Variants in NFE2L1 observed in about 807,000 individuals in gnomAD.
NFE2L1 encodes NFE2 like bZIP transcription factor 1.
NFE2L1 carries 18 observed loss-of-function variants against 61.6 expected under a neutral mutation model. The observed-to-expected ratio is 0.29, with a 90% CI of 0.20 to 0.43. The LOEUF (loss-of-function observed/expected upper bound fraction) is 0.43, where lower values mean the gene tolerates loss of function less well. Among genes scored for constraint, NFE2L1 ranks in the 20% least tolerant of loss-of-function variants. The pLI is 1.00. For synonymous variants in NFE2L1, 419 were observed against 402.7 expected, an observed-to-expected ratio of 1.04 and a Z score of -0.48; for missense variants, 827 against 973.5, an observed-to-expected ratio of 0.85 and a Z score of 2.00.
chr17:48,059,634 G>C lies in NFE2L1; in HGVS notation c.2312G>C (p.Arg771Thr), dbSNP rs1462187666. ...RRQERKPKDRRK is the reference protein window; with the variant it reads ...RRQERKPKDRTK The stretch of plus-strand genomic sequence containing the variant: ...CAGGAGAGGAAGCCAAAGGACCGGA[G>C]AAAGTGAGCCTGGGGAAGAAGGGGG... The change falls in exon 6 of 6, where the codon AGA (arginine) becomes ACA (threonine). Residue 771 changes from arginine (R) to threonine (T), a missense_variant. Around this residue, in one of 3 missense-constraint regions of NFE2L1, gnomAD observed 86 missense variants for 97.3 expected, o/e 0.88. Transcript: ENST00000362042. This position sits in a 1 kb window ranked among gnomAD's most constrained non-coding sequence, Gnocchi z 6.1. 6.4e-7 allele frequency: 1 copy of C among 1,551,464 alleles called. No individual in the cohort carries two copies. The highest frequency in any genetic ancestry group is 2.0e-5 in the Admixed American group (1 of 50,824).
chr17:48,058,735 G>A lies in NFE2L1; in HGVS notation c.1413G>A (p.Glu471=). 1 of 1,614,232 alleles carries A rather than the reference G, an allele frequency of 6.2e-7. No homozygotes were observed. The highest frequency in any genetic ancestry group is 1.1e-5 in the South Asian group (1 of 91,090). ...CTGTGCAGGCCTCCCAGCTGGAGGAGGAATTTGACTCTGACTCAGGCCTTT... is the reference window on the plus strand; with the variant it reads ...CTGTGCAGGCCTCCCAGCTGGAGGAAGAATTTGACTCTGACTCAGGCCTTT... ...FNPVQASQLE[E]EFDSDSGLSL... is the part of the protein sequence containing the mutation. Residue 471 remains glutamate, a synonymous_variant, in exon 6 of 6, where the codon GAG becomes GAA. Coordinates refer to ENST00000362042, the MANE Select transcript of NFE2L1 (RefSeq NM_003204.3).
rs1428181976 is a variant in NFE2L1, at chr17:48,059,439, C to T, written c.2117C>T (p.Ser706Phe). 2 of 1,614,166 alleles carry T rather than the reference C, an allele frequency of 1.2e-6. No homozygotes were observed. The highest frequency in any genetic ancestry group is 3.3e-5 in the Admixed American group (2 of 60,026). ...LLREKVEFLR[S>F]LRQMKQKVQS... ...CGGGAGAAAGTGGAGTTCCTGCGCT[C>T]CCTGCGACAGATGAAGCAGAAGGTC... Residue 706 changes from serine (S) to phenylalanine (F), a missense_variant, in exon 6 of 6, where the codon TCC (serine) becomes TTC (phenylalanine). Physicochemically the swap from Ser to Phe is radical, Grantham distance 155. Around this residue, in one of 3 missense-constraint regions of NFE2L1, gnomAD observed 86 missense variants for 97.3 expected, o/e 0.88. Transcript: ENST00000362042. This position sits in a 1 kb window ranked among gnomAD's most constrained non-coding sequence, Gnocchi z 6.1.
In NFE2L1 at chr17:48,056,586, C is replaced by T; in HGVS notation, c.711C>T (p.Ser237=). The change falls in exon 3 of 6, where the codon AGC becomes AGT. Residue 237 remains serine (S), a synonymous_variant. Coordinates refer to ENST00000362042, the MANE Select transcript of NFE2L1 (RefSeq NM_003204.3). ...NLLVDGETGE[S]FPAQVPSGED... is the part of the protein sequence containing the mutation. ...TAGTGGATGGAGAGACTGGGGAGAG[C>T]TTCCCTGCACAGGTACCATCGCCCC... 6.2e-7 allele frequency: 1 copy of T among 1,612,958 alleles called. No individual in the cohort carries two copies. The highest frequency in any genetic ancestry group is 8.5e-7 in the Non-Finnish European group (1 of 1,179,812).
chr17:48,049,002 G>T (rs1200675026), intron 1 of NFE2L1: 1 of 152,580 alleles, frequency 6.6e-6, no homozygotes, highest in Admixed American at 6.5e-5. Context: ...CGGGAGGGTA[G>T]CGTAAGCAGG....
In NFE2L1 at chr17:48,058,979, C is replaced by T. The variant is rs150840650; in HGVS notation, c.1657C>T (p.Arg553Cys). Residue 553 changes from arginine (R) to cysteine (C), a missense_variant, in exon 6 of 6, where the codon CGC (arginine) becomes TGC (cysteine). Coordinates refer to ENST00000362042, the MANE Select transcript of NFE2L1 (RefSeq NM_003204.3). ...GYQPEYSKFCRMSYQDPAQLS... is the reference protein window; with the variant it reads ...GYQPEYSKFCCMSYQDPAQLS... ...CCAGCCTGAGTATTCCAAGTTCTGCCGCATGAGCTACCAGGATCCAGCTCA... is the reference window on the plus strand; with the variant it reads ...CCAGCCTGAGTATTCCAAGTTCTGCTGCATGAGCTACCAGGATCCAGCTCA... The T allele has an allele frequency of 1.9e-5, 31 of 1,614,028 alleles. No homozygotes were observed. In the East Asian group the frequency reaches 2.2e-4, roughly 12 times the overall value.
rs1339121518 is a variant in NFE2L1 at position 48,048,416 on chromosome 17, G to C, written c.-559G>C. 6.6e-6 allele frequency: 1 copy of C among 152,420 alleles called. No individual in the cohort carries two copies. The highest frequency in any genetic ancestry group is 2.4e-5 in the African/African-American group (1 of 41,454). The allele number at this position is 152,420 out of a possible 1,614,324, so 9.4% of individuals were successfully genotyped here. A position where few individuals can be genotyped will look rare whatever the true frequency, so the allele number is the denominator to read the frequency against. On this transcript the variant is annotated 5_prime_UTR_variant, in exon 1 of 6. Transcript: ENST00000362042. Reference sequence around the variant, plus strand: ...GGTGGCGGCGGCGAGGCCGGGACTCGGGCTTAGGGCCTGCTGTGGAGGCAG... The same window carrying C: ...GGTGGCGGCGGCGAGGCCGGGACTCCGGCTTAGGGCCTGCTGTGGAGGCAG...
rs1459100846 is a variant in NFE2L1, at chr17:48,059,141, C to T, written c.1819C>T (p.Leu607=). 1.9e-6 allele frequency: 3 copies of T among 1,613,920 alleles called. No homozygotes were observed. The African/African-American group carries it at 4.0e-5, about 22-fold the overall frequency. ...CAGCAAGGAGAAGCAGGCTGACTTCCTGGACAAGCAGATGAGCCGGGATGA... is the reference window on the plus strand; with the variant it reads ...CAGCAAGGAGAAGCAGGCTGACTTCTTGGACAAGCAGATGAGCCGGGATGA... The part of the protein sequence containing the change: ...KGSKEKQADF[L]DKQMSRDEHR... Residue 607 remains leucine (L), a synonymous_variant, in exon 6 of 6, where the codon CTG becomes TTG. Transcript: ENST00000362042. This position sits in a 1 kb window ranked among gnomAD's most constrained non-coding sequence, Gnocchi z 6.1.
chr17:48,057,311 C>A (rs1003218191), intron 4 of NFE2L1, 33 bp from the exon 5 acceptor site: 1 of 1,604,250 alleles, frequency 6.2e-7, no homozygotes, highest in Admixed American at 1.7e-5. Flanking sequence ...GTTTTTCCTT[C>A]CCCCTTGTTA....
In NFE2L1 at chr17:48,059,555, G is replaced by A. The variant is rs766136034; in HGVS notation, c.2233G>A (p.Asp745Asn). ...TCAGTATGCGCTCCAGTACGCCGGG[G>A]ACGGCAGTGTCCTCCTCATCCCCCG... is the stretch of plus-strand genomic sequence containing the variant. ...PSQYALQYAGDGSVLLIPRTM... is the reference protein window; with the variant it reads ...PSQYALQYAGNGSVLLIPRTM... Residue 745 changes from aspartate to asparagine, a missense_variant, in exon 6 of 6, where the codon GAC becomes AAC. Transcript: ENST00000362042. This position sits in a 1 kb window ranked among gnomAD's most constrained non-coding sequence, Gnocchi z 6.1. The A allele has an allele frequency of 1.1e-5, 17 of 1,610,838 alleles. No individual in the cohort carries two copies. The highest frequency in any genetic ancestry group is 1.4e-5 in the Non-Finnish European group (16 of 1,177,702).
In NFE2L1 at chr17:48,049,373, TCTTTC is replaced by T. The variant is rs1167631175; in HGVS notation, c.-513+916_-513+920del. Among the ~76,000 whole-genome samples, 4 of 152,296 alleles carry T rather than the reference TCTTTC, an allele frequency of 2.6e-5. No individual in the cohort carries two copies. The East Asian group carries it at 7.7e-4, about 29-fold the overall frequency. On this transcript the variant is annotated intron_variant, in intron 1 of 5. Coordinates refer to ENST00000362042, the MANE Select transcript of NFE2L1 (RefSeq NM_003204.3). ...GCCCCCACCATCCCTCTCCTTTTTT[TCTTTC>T]CTTTTCTTTTCTTTCTTTTTTTTCT...
Position 48,057,416 on chromosome 17 carries a change from C to G in NFE2L1, c.886C>G (p.Leu296Val). 1 of 1,614,208 alleles carries G rather than the reference C, an allele frequency of 6.2e-7. No individual in the cohort carries two copies. The highest frequency in any genetic ancestry group is 8.5e-7 in the Non-Finnish European group (1 of 1,180,040). The change falls in exon 5 of 6, where the codon CTC (leucine) becomes GTC (valine). Residue 296 changes from leucine (L) to valine (V), a missense_variant. Physicochemically the swap from Leu to Val is conservative, Grantham distance 32. This residue lies in a region of NFE2L1 where 667 missense variants were observed against 748.4 expected (regional missense o/e 0.89). Transcript: ENST00000362042. ...ESEPPALQNNLLSPLLTGTES... is the reference protein window; with the variant it reads ...ESEPPALQNNVLSPLLTGTES... ...TGAGCCCCCTGCTCTTCAAAACAAC[C>G]TCTTGTCTCCTCTTCTGACCGGGAC...
In NFE2L1 at chr17:48,048,424, G is replaced by A. The variant is rs1288930180; in HGVS notation, c.-551G>A. On this transcript the variant is annotated 5_prime_UTR_variant, in exon 1 of 6. Coordinates refer to ENST00000362042, the MANE Select transcript of NFE2L1 (RefSeq NM_003204.3). ...CGGCGAGGCCGGGACTCGGGCTTAGGGCCTGCTGTGGAGGCAGCGGCGGAC... is the reference window on the plus strand; with the variant it reads ...CGGCGAGGCCGGGACTCGGGCTTAGAGCCTGCTGTGGAGGCAGCGGCGGAC... 4 of 152,694 alleles carry A rather than the reference G, an allele frequency of 2.6e-5. No homozygotes were observed. The highest frequency in any genetic ancestry group is 5.8e-5 in the Non-Finnish European group (4 of 68,380). The allele number at this position is 152,694 out of a possible 1,614,324, so 9.5% of individuals were successfully genotyped here.
At chr17:48,049,837 T>A in intron 1 of NFE2L1, among the ~76,000 whole-genome samples, 1 of 152,238 alleles carries the variant, frequency 6.6e-6, no homozygotes, top group East Asian at 1.9e-4. Context: ...ATCTTGCCTT[T>A]TTGAACTGAG....
In NFE2L1 at chr17:48,059,953, G is replaced by A; in HGVS notation, c.*312G>A. The A allele has an allele frequency of 3.2e-6, 1 of 307,904 alleles. No homozygotes were observed. The highest frequency in any genetic ancestry group is 1.1e-4 in the South Asian group (1 of 9,194). 19.1% of individuals were successfully genotyped at this position (307,904 alleles called of 1,614,324 possible). Reference sequence around the variant, plus strand: ...TATGTGGAGCAAAGGCCGACAGAGGGGAAGGAATGGACCTGTGAGAGGAAG... The same window carrying A: ...TATGTGGAGCAAAGGCCGACAGAGGAGAAGGAATGGACCTGTGAGAGGAAG... On this transcript the variant is annotated 3_prime_UTR_variant, in exon 6 of 6. Transcript: ENST00000362042. The surrounding 1 kb of genome is among the most constrained non-coding windows in gnomAD (Gnocchi z 6.1).
At chr17:48,056,997 C>A in intron 3 of NFE2L1, 35 bp from the exon 4 acceptor site, 1 of 1,609,086 alleles carries the variant, frequency 6.2e-7, no homozygotes. Flanking sequence ...AGCCAAGGCC[C>A]AGGTCAATCA....
chr17:48,049,496 G>T (rs769755634), intron 1 of NFE2L1, among the ~76,000 whole-genome samples: 1 of 152,058 alleles, frequency 6.6e-6, no homozygotes, highest in Non-Finnish European at 1.5e-5. Flanking sequence ...GGGTTCAAGC[G>T]ATTCTCCTGT....
chr17:48,057,229 G>A (rs757113129), intron 4 of NFE2L1, 108 bp downstream of exon 4: 270 of 1,587,728 alleles, frequency 1.7e-4, no homozygotes, highest in Non-Finnish European at 2.2e-4. Context: ...TATTCTGGCT[G>A]CTGGGGGTAA....
chr17:48,057,698 A>G (rs1436048114), intron 5 of NFE2L1, among the ~76,000 whole-genome samples, 196 bp downstream of exon 5: 2 of 152,156 alleles, frequency 1.3e-5, no homozygotes, highest in African/African-American at 4.8e-5. Flanking sequence ...GTTTGGGTTA[A>G]ATAAAACTCA....
chr17:48,059,875 A>G lies in NFE2L1; in HGVS notation c.*234A>G, dbSNP rs1193473785. 1.8e-6 allele frequency: 1 copy of G among 540,708 alleles called. No homozygotes were observed. The highest frequency in any genetic ancestry group is 1.9e-5 in the African/African-American group (1 of 52,920). The allele number at this position is 540,708 out of a possible 1,614,324, so 33.5% of individuals were successfully genotyped here. On this transcript the variant is annotated 3_prime_UTR_variant, in exon 6 of 6. Coordinates refer to ENST00000362042, the MANE Select transcript of NFE2L1 (RefSeq NM_003204.3). This position sits in a 1 kb window ranked among gnomAD's most constrained non-coding sequence, Gnocchi z 6.1. Reference sequence around the variant, plus strand: ...TTTAGACGGACAGGGTCCTCACCCTACCCCTTTCCTGTGAGGCAGGGGTGG... The same window carrying G: ...TTTAGACGGACAGGGTCCTCACCCTGCCCCTTTCCTGTGAGGCAGGGGTGG...
Sources: gnomAD v4.1 joint callset for allele counts (sites outside exome capture counted in the v4.1 genomes callset) on GRCh38, gnomAD v4.1.1 for gene constraint, gnomAD v4.1.1 regional missense constraint, Gnocchi (gnomAD v3.1) non-coding constraint, MANE v1.5 for transcripts, NCBI Gene and HGNC (gene_info 2026-07-23, HGNC 2026-07-21) for gene names.